The following MAX variants were observed in gnomAD, a reference collection of about 807,000 sequenced individuals.
MAX encodes MYC associated transcriptional regulator X, also known as protein max.
A neutral mutation model predicts 22.3 loss-of-function variants in MAX; 3 were observed. The observed-to-expected ratio is 0.13, with a 90% CI of 0.06 to 0.35. The LOEUF is 0.35. Ranked by LOEUF, MAX falls within the 10% of genes least tolerant of loss-of-function variation. The pLI, the probability that MAX is intolerant of heterozygous loss-of-function variation, is 1.00. For synonymous variants in MAX, 72 were observed against 77.7 expected (o/e 0.93, Z 0.39); for missense variants, 119 against 209.4 (o/e 0.57, Z 2.66).
chr14:65,036,027 C>A (rs923895693), intron 3 of MAX, among the ~76,000 whole-genome samples: 14 of 152,096 alleles, frequency 9.2e-5, no homozygotes, highest in Non-Finnish European at 4.4e-5. Context: ...AAGACAGAGT[C>A]TCACTGTGTT....
At chr14:65,019,005 CTGTT>C (rs939650713) in intron 3 of MAX, among the ~76,000 whole-genome samples, 7 of 151,912 alleles carry the variant, frequency 4.6e-5, no homozygotes, top group African/African-American at 1.2e-4. Context: ...ACTCAGGAGG[CTGTT>C]TGTTTGTTTT....
chr14:65,033,761 G>T (rs1398630841), intron 3 of MAX, among the ~76,000 whole-genome samples: 3 of 152,290 alleles, frequency 2.0e-5, no homozygotes, highest in Admixed American at 6.5e-5. Flanking sequence ...GGAAGCTGAG[G>T]CAGGAGAATG....
At chr14:65,056,600 G>C (rs527950104) in intron 3 of MAX, among the ~76,000 whole-genome samples, 7 of 152,164 alleles carry the variant, frequency 4.6e-5, no homozygotes, top group Non-Finnish European at 1.0e-4. Context: ...ATTTTCAAAT[G>C]TTTGTTGGCC....
chr14:65,010,836 C>T (rs1437097370), intron 3 of MAX, among the ~76,000 whole-genome samples: 1 of 152,186 alleles, frequency 6.6e-6, no homozygotes, highest in African/African-American at 2.4e-5. Context: ...GATTCTCCCA[C>T]CTGTCACTCC....
intron 3 of MAX, chr14:65,053,251 T>C (rs2062653019): frequency 4.9e-6 from 7 of 1,415,514 alleles, no homozygotes; most frequent in African/African-American, 1.5e-5. Context: ...ACCCTGCCCT[T>C]AGCATGAGCC....
At chr14:65,026,365 C>T (rs2061980795) in intron 3 of MAX, among the ~76,000 whole-genome samples, 1 of 152,158 alleles carries the variant, frequency 6.6e-6, no homozygotes, top group East Asian at 1.9e-4. Context: ...TGGAGGCAAA[C>T]CCTCAGAAAA....
Position 65,066,422 on chromosome 14 carries a change from C to T in MAX, c.171+27286G>A, listed in dbSNP as rs903276100. On this transcript the variant is annotated intron_variant, in intron 3 of 3. Transcript: ENST00000341653. ...GGGGCCAGGTGGCCTCACGTTCCTC[C>T]CTCCCGCTTCTCTGGCACATCCAAG... Among the ~76,000 whole-genome samples, 53 of 152,348 alleles carry T rather than the reference C, an allele frequency of 3.5e-4. 1 individual carries two copies. Among genetic ancestry groups the T allele is most frequent in the Middle Eastern group, 6.8e-3 (2 of 294 alleles).
Position 65,076,907 on chromosome 14 carries a change from G to C in MAX, c.296-244C>G. The C allele has an allele frequency of 3.3e-6, 2 of 606,616 alleles. No individual in the cohort carries two copies. Among genetic ancestry groups the C allele is most frequent in the Non-Finnish European group, 5.9e-6 (2 of 337,606 alleles). 37.6% of individuals were successfully genotyped at this position (606,616 alleles called of 1,614,324 possible). A position where few individuals can be genotyped will look rare whatever the true frequency, so the allele number is the denominator to read the frequency against. ...CAATCCCACCCAACTCTGAAGAGAAGGCTTGTGATGTCACCGTCCTGCCGT... is the reference window on the plus strand; with the variant it reads ...CAATCCCACCCAACTCTGAAGAGAACGCTTGTGATGTCACCGTCCTGCCGT... On this transcript the variant is annotated intron_variant, in intron 4 of 4. Transcript: ENST00000358664. The surrounding 1 kb of genome is among the most constrained non-coding windows in gnomAD (Gnocchi z 6.6).
intron 2 of MAX, among the ~76,000 whole-genome samples, chr14:65,099,722 A>T (rs893681785): frequency 2.6e-5 from 4 of 152,324 alleles, no homozygotes; most frequent in Admixed American, 6.5e-5. Context: ...TTTTCAACAG[A>T]CTAGGCCCCA....
intron 3 of MAX, among the ~76,000 whole-genome samples, chr14:65,021,577 C>T (rs2061886752): frequency 6.6e-6 from 1 of 152,162 alleles, no homozygotes; most frequent in Non-Finnish European, 1.5e-5. Context: ...ATATCCTCTA[C>T]AGGACGGTCC....
chr14:65,035,304 C>A (rs1294133191), intron 3 of MAX, among the ~76,000 whole-genome samples: 1 of 152,176 alleles, frequency 6.6e-6, no homozygotes, highest in Non-Finnish European at 1.5e-5. Context: ...GCATGCTGTT[C>A]TCTGTTCCAA....
intron 3 of MAX, among the ~76,000 whole-genome samples, chr14:65,064,747 C>T (rs758561104): frequency 2.0e-5 from 3 of 152,218 alleles, no homozygotes; most frequent in East Asian, 1.9e-4. Flanking sequence ...TTTTTGGGAA[C>T]GGGGAAGGAA....
At chr14:65,053,194 G>T in intron 3 of MAX, 1 of 1,315,440 alleles carries the variant, frequency 7.6e-7, no homozygotes, top group South Asian at 2.4e-5. Flanking sequence ...ATTGATACTT[G>T]GCTGGATCTG....
At chr14:65,025,416 C>T (rs938681583) in intron 3 of MAX, among the ~76,000 whole-genome samples, 1 of 152,172 alleles carries the variant, frequency 6.6e-6, no homozygotes, top group Non-Finnish European at 1.5e-5. Context: ...TTTGTTAGGG[C>T]ATGAGCTTAT....
intron 3 of MAX, among the ~76,000 whole-genome samples, chr14:65,068,170 C>T (rs2062950110): frequency 6.6e-6 from 1 of 152,028 alleles, no homozygotes; most frequent in Non-Finnish European, 1.5e-5. Context: ...GGAGGTGGCT[C>T]ACGCCTGTAA....
chr14:65,052,128 AG>A (rs2062629914), intron 3 of MAX, among the ~76,000 whole-genome samples: 1 of 152,176 alleles, frequency 6.6e-6, no homozygotes, highest in Non-Finnish European at 1.5e-5. Context: ...CATATATATA[AG>A]ATTTTTAGCT....
At chr14:65,066,895 T>G (rs55877000) in intron 3 of MAX, among the ~76,000 whole-genome samples, 25,608 of 143,992 alleles carry the variant, frequency 0.18, 3,507 homozygotes, top group African/African-American at 0.39. Context: ...TATTTTTTAG[T>G]TCGGGTGTGA....
chr14:65,095,574 G>C (rs1426881355), intron 2 of MAX, among the ~76,000 whole-genome samples: 13 of 152,168 alleles, frequency 8.5e-5, no homozygotes. Context: ...TCTACATAAA[G>C]ATAAGTTGGG....
At position 65,035,587 on chromosome 14, in the gene MAX, T is replaced by C. The variant is rs548650108; in HGVS notation, c.172-29303A>G. On this transcript the variant is annotated intron_variant, in intron 3 of 3. Coordinates refer to the MAX transcript ENST00000341653. ...CTCTGTTGCACGAGCTGGAGTGTAG[T>C]GGTGTGATCACAGCTCGCTGCAGCC... is the stretch of plus-strand genomic sequence containing the variant. Among the ~76,000 whole-genome samples the C allele has an allele frequency of 1.6e-4, 25 of 152,214 alleles. 1 individual carries two copies. The highest frequency in any genetic ancestry group is 2.9e-4 in the Non-Finnish European group (20 of 68,006).
Sources: gnomAD v4.1 joint callset for allele counts (sites outside exome capture counted in the v4.1 genomes callset) on GRCh38, gnomAD v4.1.1 for gene constraint, Gnocchi (gnomAD v3.1) non-coding constraint, MANE v1.5 for transcripts, NCBI Gene and HGNC (gene_info 2026-07-23, HGNC 2026-07-21) for gene names.